Variants in MALT1 observed in about 807,000 individuals in gnomAD.
The protein encoded by MALT1 is MALT1 paracaspase, also known as mucosa-associated lymphoid tissue lymphoma translocation protein 1.
In MALT1, 36 loss-of-function variants were observed where a neutral mutation model predicts 85.5. The observed-to-expected ratio is 0.42, with a 90% confidence interval of 0.32 to 0.56. The LOEUF (loss-of-function observed/expected upper bound fraction) is 0.56. MALT1 is among the 20% of genes least tolerant of loss of function. MALT1 has a pLI of 0.10. For synonymous variants in MALT1, 359 were observed against 361.3 expected, an observed-to-expected ratio of 0.99 and a Z score of 0.07; for missense variants, 716 against 981.6, an observed-to-expected ratio of 0.73 and a Z score of 3.62.
At chr18:58,713,987 A>G (rs1057366684) in intron 7 of MALT1, 96 bp from the exon 8 acceptor site, 4 of 643,840 alleles carry the variant, frequency 6.2e-6, no homozygotes, top group Middle Eastern at 5.1e-4. Context: ...ACACTATAAC[A>G]TGATTCACTG....
intron 10 of MALT1, among the ~76,000 whole-genome samples, chr18:58,731,203 T>C (rs1364308926): frequency 6.6e-6 from 1 of 152,218 alleles, no homozygotes; most frequent in African/African-American, 2.4e-5. Flanking sequence ...TCCACCCACC[T>C]TGGCCTCCCA....
At chr18:58,741,803 T>C (rs959232748) in intron 13 of MALT1, 62 bp from the exon 14 acceptor site, 6 of 1,046,758 alleles carry the variant, frequency 5.7e-6, no homozygotes, top group Non-Finnish European at 8.1e-6. Context: ...GTTCTTAGCC[T>C]AAATATTTAA....
At chr18:58,735,058 T>C (rs933698670) in intron 12 of MALT1, 144 bp from the exon 13 acceptor site, 2 of 508,084 alleles carry the variant, frequency 3.9e-6, no homozygotes, top group African/African-American at 1.3e-4. Context: ...GTCCCCACGC[T>C]GTCCCCACCC....
chr18:58,731,802 AC>A (rs2055154285), intron 10 of MALT1, among the ~76,000 whole-genome samples: 1 of 151,646 alleles, frequency 6.6e-6, no homozygotes, highest in Non-Finnish European at 1.5e-5. Context: ...GTATGGAGAT[AC>A]ATGAATCTCC....
intron 14 of MALT1, among the ~76,000 whole-genome samples, chr18:58,743,896 T>C (rs909440859): frequency 6.6e-6 from 1 of 152,168 alleles, no homozygotes; most frequent in African/African-American, 2.4e-5. Context: ...TAGCTTTATC[T>C]ATCTTAAAGC....
At chr18:58,676,096 G>A (rs2054235926) in intron 1 of MALT1, among the ~76,000 whole-genome samples, 1 of 152,128 alleles carries the variant, frequency 6.6e-6, no homozygotes, top group Non-Finnish European at 1.5e-5. Flanking sequence ...AAGCCACGTT[G>A]TCTCTCAACT....
At chr18:58,697,572 T>C (rs1276812428) in intron 3 of MALT1, among the ~76,000 whole-genome samples, 1 of 152,216 alleles carries the variant, frequency 6.6e-6, no homozygotes, top group Admixed American at 6.5e-5. Flanking sequence ...TTTTATCATA[T>C]TTTCTCAATT....
At chr18:58,721,452 G>A (rs927577701) in intron 9 of MALT1, among the ~76,000 whole-genome samples, 11 of 152,158 alleles carry the variant, frequency 7.2e-5, no homozygotes, top group Non-Finnish European at 1.0e-4. Context: ...AGTATTCTCC[G>A]CTTTTTCATT....
Position 58,734,347 on chromosome 18 carries a change from A to C in MALT1, c.1441A>C (p.Lys481Gln). 1 of 1,613,882 alleles carries C rather than the reference A, an allele frequency of 6.2e-7. No homozygotes were observed. Among genetic ancestry groups the C allele is most frequent in the Non-Finnish European group, 8.5e-7 (1 of 1,179,782 alleles). The change falls in exon 12 of 17, where the codon AAA (lysine) becomes CAA (glutamine). Residue 481 changes from lysine (K) to glutamine (Q), a missense_variant. This residue lies in a region of MALT1 where 86 missense variants were observed against 212.3 expected (regional missense o/e 0.41). Coordinates refer to ENST00000649217, the MANE Select transcript of MALT1 (RefSeq NM_006785.4). ...DDTIPILDAL[K>Q]VTANIVFGYA... is the part of the protein sequence containing the mutation. ...TACCATTCCAATCTTGGATGCACTA[A>C]AAGTCACCGCCAATATTGTGTTTGG...
chr18:58,709,672 G>A (rs2054805183), intron 5 of MALT1, 116 bp downstream of exon 5: 1 of 912,810 alleles, frequency 1.1e-6, no homozygotes, highest in Non-Finnish European at 1.6e-6. Context: ...AATGTTTTCA[G>A]TATTTTTATT....
intron 2 of MALT1, among the ~76,000 whole-genome samples, chr18:58,682,294 A>AT (rs2054334237): frequency 6.6e-6 from 1 of 152,200 alleles, no homozygotes; most frequent in Non-Finnish European, 1.5e-5. Context: ...GTATAGTGGT[A>AT]TGCTGTCAGT....
intron 9 of MALT1, among the ~76,000 whole-genome samples, chr18:58,721,272 G>A (rs1242880512): frequency 1.3e-5 from 2 of 152,070 alleles, no homozygotes; most frequent in Admixed American, 6.6e-5. Flanking sequence ...CCAGCTACTC[G>A]GGAGGCTGAG....
At chr18:58,689,991 A>G (rs1219682078) in intron 2 of MALT1, among the ~76,000 whole-genome samples, 1 of 152,138 alleles carries the variant, frequency 6.6e-6, no homozygotes, top group Non-Finnish European at 1.5e-5. Flanking sequence ...AGCCATGGTA[A>G]GGAATCTGGA....
At chr18:58,730,328 C>T (rs985068867) in intron 10 of MALT1, among the ~76,000 whole-genome samples, 5 of 152,172 alleles carry the variant, frequency 3.3e-5, no homozygotes, top group African/African-American at 1.2e-4. Context: ...CTTACCCCAG[C>T]CCCTGGCAAC....
chr18:58,702,730 C>T (rs2054691704), intron 4 of MALT1, among the ~76,000 whole-genome samples: 1 of 152,148 alleles, frequency 6.6e-6, no homozygotes, highest in African/African-American at 2.4e-5. Context: ...AAAACTCTAG[C>T]GTTGATGTCA....
Position 58,744,595 on chromosome 18 carries a change from T to A in MALT1, c.1911+100T>A. The A allele has an allele frequency of 6.1e-6, 3 of 487,984 alleles. 1 individual carries two copies. The South Asian group carries it at 1.1e-4, about 18-fold the overall frequency. The allele number at this position is 487,984 out of a possible 1,614,324, so 30.2% of individuals were successfully genotyped here. On this transcript the variant is annotated intron_variant, in intron 15 of 16. Coordinates refer to ENST00000649217, the MANE Select transcript of MALT1 (RefSeq NM_006785.4). ...GTTGATGGTAAATATAAAGGAAATA[T>A]ATATATTTATATATGTGTATATATT...
In MALT1 at chr18:58,714,021, T is replaced by C; in HGVS notation, c.959-62T>C. 2 of 791,906 alleles carry C rather than the reference T, an allele frequency of 2.5e-6. 1 individual carries two copies. The highest frequency in any genetic ancestry group is 2.9e-5 in the South Asian group (2 of 69,080). The allele number at this position is 791,906 out of a possible 1,614,324, so 49.1% of individuals were successfully genotyped here. A position where few individuals can be genotyped will look rare whatever the true frequency, so the allele number is the denominator to read the frequency against. ...TGGCTCAAAACTACTTGGATTAGTCTTACTATTTGTGCTAAATTGGTGTTT... is the reference window on the plus strand; with the variant it reads ...TGGCTCAAAACTACTTGGATTAGTCCTACTATTTGTGCTAAATTGGTGTTT... On this transcript the variant is annotated intron_variant, in intron 7 of 16. Coordinates refer to ENST00000649217, the MANE Select transcript of MALT1 (RefSeq NM_006785.4).
intron 10 of MALT1, among the ~76,000 whole-genome samples, chr18:58,730,619 A>C (rs1307636003): frequency 6.6e-6 from 1 of 152,230 alleles, no homozygotes; most frequent in Non-Finnish European, 1.5e-5. Context: ...GTGTGGACGT[A>C]GTTTCCATTT....
At chr18:58,744,128 A>G (rs1465106573) in intron 14 of MALT1, among the ~76,000 whole-genome samples, 1 of 152,198 alleles carries the variant, frequency 6.6e-6, no homozygotes, top group African/African-American at 2.4e-5. Flanking sequence ...AAAATTATAT[A>G]TACAGTTGGA....
Sources: gnomAD v4.1 joint callset for allele counts (sites outside exome capture counted in the v4.1 genomes callset) on GRCh38, gnomAD v4.1.1 for gene constraint, gnomAD v4.1.1 regional missense constraint, MANE v1.5 for transcripts, NCBI Gene and HGNC (gene_info 2026-07-23, HGNC 2026-07-21) for gene names.